Variants in MCF2L observed in about 807,000 individuals in gnomAD.
The protein encoded by MCF2L is MCF.2 cell line derived transforming sequence like.
MCF2L carries 97 observed loss-of-function variants against 153.4 expected under a neutral mutation model. The ratio of observed to expected loss-of-function variants is 0.63; its 90% confidence interval spans 0.54 to 0.75. MCF2L has a LOEUF of 0.75. Ranked by LOEUF, MCF2L falls within the 30% of genes least tolerant of loss-of-function variation. The pLI is 0.00. For missense variants in MCF2L, 1,347 were observed against 1,495.2 expected, an observed-to-expected ratio of 0.90 and a Z score of 1.64; for synonymous variants, 659 against 632.2, an observed-to-expected ratio of 1.04 and a Z score of -0.64.
rs552190437 is a variant in MCF2L, at chr13:112,903,954, G to A, written c.169+1583G>A. On this transcript the variant is annotated intron_variant, in intron 2 of 29. Coordinates refer to the MCF2L transcript ENST00000375608. ...GGGCAGGAGTGAGGGGCTACTTAGC[G>A]CGTGCAGACAGCTGGCTGCCCTGAC... Among the ~76,000 whole-genome samples, 8 of 152,270 alleles carry A rather than the reference G, an allele frequency of 5.3e-5. No individual in the cohort carries two copies. The East Asian group carries it at 5.8e-4, about 11-fold the overall frequency.
intron 2 of MCF2L, among the ~76,000 whole-genome samples, chr13:112,918,108 T>C (rs2081314097): frequency 6.6e-6 from 1 of 152,258 alleles, no homozygotes; most frequent in African/African-American, 2.4e-5. Context: ...GCAGGACCTG[T>C]CTCTGAGTCA....
chr13:112,946,601 C>G (rs956910183), intron 2 of MCF2L, among the ~76,000 whole-genome samples: 1 of 152,178 alleles, frequency 6.6e-6, no homozygotes, highest in Non-Finnish European at 1.5e-5. Flanking sequence ...GAGGTTTCCT[C>G]AAGGTCATTG....
chr13:112,968,726 C>T, upstream of MCF2L: 1 of 1,389,654 alleles, frequency 7.2e-7, no homozygotes, highest in Non-Finnish European at 9.3e-7. Context: ...TAAAGGGAGG[C>T]GGCGGCCAGG....
chr13:113,083,128 A>C (rs2034308964), intron 17 of MCF2L, among the ~76,000 whole-genome samples: 1 of 151,946 alleles, frequency 6.6e-6, no homozygotes, highest in South Asian at 2.1e-4. Context: ...AGTTTTGGGG[A>C]GCTCATGGGA....
intron 23 of MCF2L, among the ~76,000 whole-genome samples, 163 bp from the exon 24 acceptor site, chr13:113,088,164 C>T (rs1297718783): frequency 2.0e-5 from 3 of 152,232 alleles, no homozygotes; most frequent in African/African-American, 4.8e-5. Context: ...CAGAGGGTCC[C>T]GCAATGCGGG....
chr13:113,078,241 A>C, intron 13 of MCF2L, 122 bp from the exon 14 acceptor site: 4 of 778,558 alleles, frequency 5.1e-6, no homozygotes, highest in Non-Finnish European at 8.8e-6. Context: ...TGCCCACGCC[A>C]CCACCTGTGG....
In MCF2L at chr13:113,082,555, C is replaced by G. The variant is rs1339347174; in HGVS notation, c.1991+13C>G. On this transcript the variant is annotated intron_variant, in intron 17 of 29. Transcript: ENST00000535094. ...ACTTCCACAACAGGTGGGCCCTTCCCCCCGACACAGGCACGCACCCGTGAT... is the reference window on the plus strand; with the variant it reads ...ACTTCCACAACAGGTGGGCCCTTCCGCCCGACACAGGCACGCACCCGTGAT... 28 of 1,557,726 alleles carry G rather than the reference C, an allele frequency of 1.8e-5. No individual in the cohort carries two copies. Among genetic ancestry groups the G allele is most frequent in the Non-Finnish European group, 2.5e-5 (28 of 1,129,620 alleles).
chr13:113,000,374 G>A (rs1027464526), intron 1 of MCF2L, among the ~76,000 whole-genome samples: 4 of 152,192 alleles, frequency 2.6e-5, no homozygotes, highest in Admixed American at 6.5e-5. Flanking sequence ...GGGGCTTGCA[G>A]AAGCGACATT....
rs142444839 is a variant in MCF2L at position 113,075,125 on chromosome 13, C to T, written c.1244C>T (p.Ala415Val). The part of the protein sequence containing the change: ...ELRHLCDQFS[A>V]EIARRRGLLS... ...CGGCACCTCTGTGACCAGTTCTCTG[C>T]GGAGATCGCAAGGAGGAGGGGGCTG... is the stretch of plus-strand genomic sequence containing the variant. Residue 415 changes from alanine to valine, a missense_variant, in exon 11 of 30, where the codon GCG (alanine) becomes GTG (valine). Physicochemically the swap from Ala to Val is moderately conservative, Grantham distance 64. Transcript: ENST00000535094. 3,625 of 1,613,194 alleles carry T rather than the reference C, an allele frequency of 2.2e-3. 6 individuals carry two copies. Among genetic ancestry groups the T allele is most frequent in the Middle Eastern group, 3.0e-3 (18 of 6,062 alleles).
chr13:112,894,452 T>TGGAGGGGGCGCGGGGGTGACG lies in MCF2L; in HGVS notation c.-5+37_-5+57dup, dbSNP rs1358578877. ...GGCAGGTGCGCGCGGGGCGGGGGCC[T>TGGAGGGGGCGCGGGGGTGACG]GGAGGGGGCGCGGGGGTGACGGGAG... is the stretch of plus-strand genomic sequence containing the variant. On this transcript the variant is annotated intron_variant, in intron 1 of 29. Coordinates refer to the MCF2L transcript ENST00000375608. The TGGAGGGGGCGCGGGGGTGACG allele has an allele frequency of 6.3e-4, 95 of 150,316 alleles. 1 individual carries two copies. Among genetic ancestry groups the TGGAGGGGGCGCGGGGGTGACG allele is most frequent in the African/African-American group, 1.8e-3 (76 of 41,130 alleles). The allele number at this position is 150,316 out of a possible 1,614,324, so 9.3% of individuals were successfully genotyped here. A position where few individuals can be genotyped will look rare whatever the true frequency, so the allele number is the denominator to read the frequency against.
chr13:113,057,351 G>A (rs1026162238), intron 4 of MCF2L, among the ~76,000 whole-genome samples: 7 of 146,300 alleles, frequency 4.8e-5, no homozygotes, highest in Non-Finnish European at 7.5e-5. Context: ...GTGCTGTGTG[G>A]GCGCTGAGTG....
At chr13:112,957,720 A>G (rs2081775847) in intron 2 of MCF2L, 1 of 152,130 alleles carries the variant, frequency 6.6e-6, no homozygotes, top group Non-Finnish European at 1.5e-5. Context: ...GGGTTTTTAT[A>G]ACTTAAGTTA....
At chr13:112,948,926 C>T (rs1314702944) in intron 2 of MCF2L, among the ~76,000 whole-genome samples, 2 of 152,068 alleles carry the variant, frequency 1.3e-5, no homozygotes, top group African/African-American at 2.4e-5. Flanking sequence ...ATTAGCCAGG[C>T]GTGGTGGCAT....
At chr13:113,042,363 T>C (rs2086553978) in intron 3 of MCF2L, 1 of 152,280 alleles carries the variant, frequency 6.6e-6, no homozygotes, top group Non-Finnish European at 1.5e-5. Flanking sequence ...ATGCATTTTT[T>C]GAATCGAATA....
chr13:113,059,407 C>G (rs1025575241), intron 4 of MCF2L, among the ~76,000 whole-genome samples: 6 of 152,260 alleles, frequency 3.9e-5, no homozygotes, highest in African/African-American at 7.2e-5. Flanking sequence ...CACTCCTCCT[C>G]TAGTCCTTGC....
At chr13:113,082,785 C>T (rs522487) in intron 17 of MCF2L, among the ~76,000 whole-genome samples, 82,834 of 151,822 alleles carry the variant, frequency 0.55, 23,112 homozygotes, top group Non-Finnish European at 0.6. Context: ...AGCCGCCAGC[C>T]GTGAGGAGAG....
At chr13:113,025,940 C>T (rs12861296) in intron 3 of MCF2L, among the ~76,000 whole-genome samples, 38 of 63,098 alleles carry the variant, frequency 6.0e-4, no homozygotes, top group Admixed American at 8.2e-4. Context: ...GGGCAGAGTC[C>T]CTGTGAGATT....
intron 4 of MCF2L, among the ~76,000 whole-genome samples, chr13:113,049,133 A>C (rs1171660871): frequency 6.6e-6 from 1 of 152,222 alleles, no homozygotes; most frequent in Non-Finnish European, 1.5e-5. Flanking sequence ...GCCAGGAGAC[A>C]TGGAGCTCAC....
intron 4 of MCF2L, among the ~76,000 whole-genome samples, chr13:113,055,382 C>CCACACACACA (rs59884971): frequency 1.3e-4 from 2 of 15,246 alleles, no homozygotes; most frequent in Non-Finnish European, 2.7e-4. Flanking sequence ...CCCCCCCCCG[C>CCACACACACA]CACACACACA....
Sources: gnomAD v4.1 joint callset for allele counts (sites outside exome capture counted in the v4.1 genomes callset) on GRCh38, gnomAD v4.1.1 for gene constraint, MANE v1.5 for transcripts, NCBI Gene and HGNC (gene_info 2026-07-23, HGNC 2026-07-21) for gene names.